Variants in ZNF18 observed in about 807,000 individuals in gnomAD.
ZNF18 encodes the protein zinc finger protein 18.
In ZNF18, 42 loss-of-function variants were observed where a neutral mutation model predicts 58.1. The observed-to-expected ratio is 0.72, with a 90% CI of 0.56 to 0.93. The LOEUF (loss-of-function observed/expected upper bound fraction) is 0.93. ZNF18 is among the 40% of genes least tolerant of loss of function. ZNF18 has a pLI of 0.00. For synonymous variants in ZNF18, 231 were observed against 239.8 expected (o/e 0.96, Z 0.34); for missense variants, 540 against 644.2 (o/e 0.84, Z 1.75).
chr17:12,020,945 C>T, the ZNF18 span: 100 of 1,217,078 alleles, frequency 8.2e-5, no homozygotes, highest in Non-Finnish European at 9.7e-5. Flanking sequence ...GGCAGCGGCA[C>T]CCCCGGCCCC....
intron 6 of ZNF18, among the ~76,000 whole-genome samples, chr17:11,980,079 C>T (rs908281528): frequency 1.7e-4 from 26 of 152,108 alleles, no homozygotes; most frequent in East Asian, 3.9e-4. Context: ...ACTGTGTCAA[C>T]GGGCATAAAT....
the ZNF18 span, among the ~76,000 whole-genome samples, chr17:12,004,304 G>A: frequency 6.6e-6 from 1 of 151,802 alleles, no homozygotes; most frequent in Non-Finnish European, 1.5e-5. Flanking sequence ...GTTAGTATGT[G>A]CAGGAATCAG....
At chr17:11,987,090 TC>T (rs1431114390) in intron 4 of ZNF18, among the ~76,000 whole-genome samples, 1 of 152,228 alleles carries the variant, frequency 6.6e-6, no homozygotes, top group Non-Finnish European at 1.5e-5. Context: ...AACCTAACTT[TC>T]TATCCTGAAA....
the ZNF18 span, among the ~76,000 whole-genome samples, chr17:12,013,855 T>C: frequency 6.6e-6 from 1 of 152,336 alleles, no homozygotes; most frequent in East Asian, 1.9e-4. Context: ...TGATATCTGA[T>C]GGTTAGAGTA....
chr17:11,978,385 G>A lies in ZNF18; in HGVS notation c.1222C>T (p.Pro408Ser), dbSNP rs771910345. The A allele has an allele frequency of 2.6e-6, 4 of 1,550,480 alleles. No homozygotes were observed. The highest frequency in any genetic ancestry group is 3.5e-6 in the Non-Finnish European group (4 of 1,152,734). ...QPRAPMAQKL[P>S]TCRECGKTFY... The stretch of plus-strand genomic sequence containing the variant: ...GTCTTCCCACACTCCCTGCAGGTGG[G>A]GAGCTTCTGGGCCATGGGGGCTCTT... Residue 408 changes from proline (P) to serine (S), a missense_variant, in exon 7 of 7, where the codon CCC becomes TCC. Transcript: ENST00000580306.
At chr17:11,986,850 C>T (rs1418195651) in intron 4 of ZNF18, among the ~76,000 whole-genome samples, 2 of 152,088 alleles carry the variant, frequency 1.3e-5, no homozygotes, top group African/African-American at 2.4e-5. Flanking sequence ...AAGAAGAGTA[C>T]AAGGCAGAAA....
intron 5 of ZNF18, 124 bp downstream of exon 5, chr17:11,983,989 T>A (rs1967550912): frequency 2.6e-6 from 2 of 776,118 alleles, no homozygotes; most frequent in Admixed American, 3.1e-5. Flanking sequence ...CCCAACTGTG[T>A]CCCTAACGAT....
chr17:11,991,605 G>A (rs1284431779), intron 2 of ZNF18, among the ~76,000 whole-genome samples: 20 of 152,122 alleles, frequency 1.3e-4, no homozygotes, highest in Admixed American at 1.3e-3. Flanking sequence ...TTTAGTCTTT[G>A]TCCCCAGTTC....
the ZNF18 span, among the ~76,000 whole-genome samples, chr17:12,003,169 C>A: frequency 6.6e-6 from 1 of 152,204 alleles, no homozygotes; most frequent in African/African-American, 2.4e-5. Flanking sequence ...TTAAGGTGTT[C>A]AAGAGGCCAG....
At chr17:11,996,537 CTTTA>C (rs1804364440) in intron 1 of ZNF18, among the ~76,000 whole-genome samples, 1 of 151,856 alleles carries the variant, frequency 6.6e-6, no homozygotes. Context: ...AATTAAATTA[CTTTA>C]TATAGTATTA....
chr17:11,999,892 T>C (rs1968626909), upstream of ZNF18, among the ~76,000 whole-genome samples: 1 of 152,162 alleles, frequency 6.6e-6, no homozygotes, highest in Admixed American at 6.5e-5. Flanking sequence ...TGCGTGTATC[T>C]GTGGGAACCT....
chr17:12,011,476 T>C, the ZNF18 span, among the ~76,000 whole-genome samples: 35,183 of 150,472 alleles, frequency 0.23, 4,209 homozygotes, highest in Non-Finnish European at 0.26. Flanking sequence ...ACCTCTGACT[T>C]CCGGGTTCAA....
At position 11,977,811 on chromosome 17, in the gene ZNF18, G is replaced by T; in HGVS notation, c.*146C>A. 1 of 954,568 alleles carries T rather than the reference G, an allele frequency of 1.0e-6. No homozygotes were observed. Among genetic ancestry groups the T allele is most frequent in the Non-Finnish European group, 1.5e-6 (1 of 649,474 alleles). The allele number at this position is 954,568 out of a possible 1,614,324, so 59.1% of individuals were successfully genotyped here. Reference sequence around the variant, plus strand: ...ATCCAAGATATCCTCCAAGTCCAAAGCCATGTCCAGATTCTCTCCTCTCCA... The same window carrying T: ...ATCCAAGATATCCTCCAAGTCCAAATCCATGTCCAGATTCTCTCCTCTCCA... On this transcript the variant is annotated 3_prime_UTR_variant, in exon 7 of 7. Coordinates refer to ENST00000580306, the MANE Select transcript of ZNF18 (RefSeq NM_001303281.2).
At chr17:11,987,331 C>T (rs1222783809) in intron 4 of ZNF18, among the ~76,000 whole-genome samples, 1 of 152,048 alleles carries the variant, frequency 6.6e-6, no homozygotes, top group Admixed American at 6.6e-5. Flanking sequence ...ATAGTAATAC[C>T]GTATCATTAT....
chr17:12,000,494 A>T (rs1181149130), upstream of ZNF18, among the ~76,000 whole-genome samples: 1 of 152,170 alleles, frequency 6.6e-6, no homozygotes, highest in Non-Finnish European at 1.5e-5. Flanking sequence ...AGATCACCTG[A>T]GGTCTGCACT....
the ZNF18 span, among the ~76,000 whole-genome samples, chr17:12,013,108 T>A: frequency 3.3e-5 from 5 of 152,216 alleles, no homozygotes; most frequent in East Asian, 9.7e-4. Context: ...TGTGCCACCA[T>A]GCCCGGCTAA....
At chr17:11,983,757 T>C (rs552404154) in intron 5 of ZNF18, among the ~76,000 whole-genome samples, 2 of 151,766 alleles carry the variant, frequency 1.3e-5, no homozygotes, top group South Asian at 4.2e-4. Flanking sequence ...CACAGCTGAG[T>C]TCCATCATAA....
the ZNF18 span, among the ~76,000 whole-genome samples, chr17:12,004,336 C>T: frequency 1.3e-3 from 205 of 152,172 alleles, no homozygotes; most frequent in Middle Eastern, 3.4e-3. Flanking sequence ...ATTATATTAC[C>T]TAGTTTTAAC....
chr17:12,015,778 G>A, the ZNF18 span, among the ~76,000 whole-genome samples: 15 of 151,808 alleles, frequency 9.9e-5, no homozygotes, highest in Non-Finnish European at 1.9e-4. Flanking sequence ...ATTAGCTAGA[G>A]TTTTATATTT....
Sources: allele counts gnomAD v4.1 joint callset (sites outside exome capture counted in the v4.1 genomes callset), GRCh38; gene constraint gnomAD v4.1.1; transcripts MANE v1.5; gene names NCBI Gene and HGNC (gene_info 2026-07-23, HGNC 2026-07-21).